The following RBFOX1 variants were observed in gnomAD, a reference collection of about 807,000 sequenced individuals.
RBFOX1 encodes the protein RNA binding protein fox-1 homolog 1.
RBFOX1 carries 8 observed loss-of-function variants against 57.7 expected under a neutral mutation model. That is an observed-to-expected ratio of 0.14 (90% confidence interval 0.08 to 0.25). The LOEUF (loss-of-function observed/expected upper bound fraction) is 0.25. Ranked by LOEUF, RBFOX1 falls within the 10% of genes least tolerant of loss-of-function variation. The pLI is 1.00. For missense variants in RBFOX1, 611 were observed against 548.5 expected (o/e 1.11, Z -1.14); for synonymous variants, 326 against 222.4 (o/e 1.47, Z -4.15).
intron 1 of RBFOX1, among the ~76,000 whole-genome samples, chr16:5,364,383 G>T (rs2065645691): frequency 6.6e-6 from 1 of 152,116 alleles, no homozygotes; most frequent in East Asian, 1.9e-4. Context: ...CATTTTCTAG[G>T]AAAACAAGCC....
intron 1 of RBFOX1, among the ~76,000 whole-genome samples, chr16:6,155,738 G>T (rs1419152585): frequency 6.6e-6 from 1 of 152,190 alleles, no homozygotes; most frequent in Non-Finnish European, 1.5e-5. Context: ...TGGGAGGACG[G>T]CAGGTGGCTA....
At chr16:6,984,931 G>C (rs1568225837) in intron 3 of RBFOX1, among the ~76,000 whole-genome samples, 1 of 152,096 alleles carries the variant, frequency 6.6e-6, no homozygotes, top group Non-Finnish European at 1.5e-5. Flanking sequence ...ATGAGACATT[G>C]CACCCGGTAC....
chr16:6,790,558 A>C (rs915902184), intron 3 of RBFOX1, among the ~76,000 whole-genome samples: 3 of 152,102 alleles, frequency 2.0e-5, no homozygotes, highest in Admixed American at 6.5e-5. Flanking sequence ...TTTAGCCTCT[A>C]TTCCCCCAAA....
chr16:6,804,463 G>A (rs371795664), intron 3 of RBFOX1, among the ~76,000 whole-genome samples: 6 of 152,164 alleles, frequency 3.9e-5, no homozygotes, highest in South Asian at 4.2e-4. Context: ...GATGGTACAC[G>A]CCCTCCAATG....
intron 4 of RBFOX1, among the ~76,000 whole-genome samples, chr16:7,395,858 G>C (rs901010084): frequency 6.6e-6 from 1 of 152,160 alleles, no homozygotes; most frequent in Non-Finnish European, 1.5e-5. Context: ...ACATCCTTCA[G>C]ATTAATTGAC....
intron 4 of RBFOX1, among the ~76,000 whole-genome samples, chr16:7,208,492 T>TAGTG (rs1168444794): frequency 6.6e-6 from 1 of 151,946 alleles, no homozygotes; most frequent in Non-Finnish European, 1.5e-5. Flanking sequence ...CAGAGATACA[T>TAGTG]AGTGGGAGGG....
intron 4 of RBFOX1, among the ~76,000 whole-genome samples, chr16:7,082,913 C>T (rs1293243384): frequency 6.6e-6 from 1 of 152,152 alleles, no homozygotes. Flanking sequence ...TGAAGCTTGA[C>T]AACAAGAGTT....
At chr16:6,459,361 C>T (rs575849474) in intron 2 of RBFOX1, among the ~76,000 whole-genome samples, 30 of 152,250 alleles carry the variant, frequency 2.0e-4, no homozygotes, top group African/African-American at 6.5e-4. Context: ...GATACTCACT[C>T]GGCTTACCAT....
At chr16:7,246,860 T>G (rs1169228543) in intron 4 of RBFOX1, among the ~76,000 whole-genome samples, 1 of 152,066 alleles carries the variant, frequency 6.6e-6, no homozygotes, top group African/African-American at 2.4e-5. Context: ...GAGTCAAAGT[T>G]GAACTCCAGT....
chr16:5,602,964 C>G (rs1470687541), downstream of RBFOX1, among the ~76,000 whole-genome samples: 1 of 152,146 alleles, frequency 6.6e-6, no homozygotes, highest in African/African-American at 2.4e-5. Context: ...TGTGTCGTTC[C>G]TCTAGAGGAG....
intron 3 of RBFOX1, among the ~76,000 whole-genome samples, chr16:6,986,664 C>A (rs1301658046): frequency 1.3e-5 from 2 of 152,050 alleles, no homozygotes; most frequent in African/African-American, 4.8e-5. Context: ...CTTTTCCTTC[C>A]CTTCCTCTCC....
intron 3 of RBFOX1, among the ~76,000 whole-genome samples, chr16:6,709,530 C>G (rs544660334): frequency 6.6e-6 from 1 of 152,316 alleles, no homozygotes; most frequent in South Asian, 2.1e-4. Context: ...CTACATACTT[C>G]TTTCTACTTT....
intron 4 of RBFOX1, among the ~76,000 whole-genome samples, chr16:7,197,440 GAAA>G (rs57893229): frequency 7.7e-5 from 7 of 91,324 alleles, no homozygotes; most frequent in Admixed American, 1.3e-4. Flanking sequence ...CCTGTGAGTG[GAAA>G]AAAAAAAAAA....
intron 3 of RBFOX1, among the ~76,000 whole-genome samples, chr16:6,786,388 T>C (rs60744842): frequency 0.11 from 17,485 of 152,128 alleles, 1,185 homozygotes; most frequent in African/African-American, 0.18. Flanking sequence ...TTATTCTTCT[T>C]GTACCTTTGG....
chr16:5,410,983 G>T (rs2067006658), intron 1 of RBFOX1, among the ~76,000 whole-genome samples: 1 of 152,176 alleles, frequency 6.6e-6, no homozygotes, highest in African/African-American at 2.4e-5. Flanking sequence ...TGAAGATTAG[G>T]CGGGCCAACA....
chr16:5,985,436 T>G, intron 4 of RBFOX1, among the ~76,000 whole-genome samples: 1 of 152,110 alleles, frequency 6.6e-6, no homozygotes, highest in Non-Finnish European at 1.5e-5. Context: ...ATGATTCCCA[T>G]TTTACGGATG....
intron 4 of RBFOX1, among the ~76,000 whole-genome samples, chr16:7,504,740 T>A (rs1342688818): frequency 7.7e-5 from 1 of 12,996 alleles, no homozygotes; most frequent in Admixed American, 1.2e-3. Flanking sequence ...TATATATATA[T>A]ATATATATAT....
chr16:6,807,057 C>G (rs553257423), intron 3 of RBFOX1, among the ~76,000 whole-genome samples: 1 of 151,664 alleles, frequency 6.6e-6, no homozygotes, highest in Non-Finnish European at 1.5e-5. Flanking sequence ...TGGTCTTGAA[C>G]TCCTGACCTC....
intron 9 of RBFOX1, among the ~76,000 whole-genome samples, chr16:7,602,539 A>G (rs1262230914): frequency 2.6e-5 from 4 of 152,148 alleles, no homozygotes; most frequent in Non-Finnish European, 4.4e-5. Flanking sequence ...AAAGGGGATC[A>G]TTTTGTTCAT....
Sources: allele counts gnomAD v4.1 joint callset (sites outside exome capture counted in the v4.1 genomes callset), GRCh38; gene constraint gnomAD v4.1.1; transcripts MANE v1.5; gene names NCBI Gene and HGNC (gene_info 2026-07-23, HGNC 2026-07-21).